The following GALNT13 variants were observed in gnomAD, a reference collection of about 807,000 sequenced individuals.
GALNT13 encodes the protein polypeptide N-acetylgalactosaminyltransferase 13, also known as UDP-GalNAc:polypeptide N-acetylgalactosaminyltransferase 13.
GALNT13 carries 28 observed loss-of-function variants against 64.2 expected under a neutral mutation model. The ratio of observed to expected loss-of-function variants is 0.44; its 90% CI spans 0.32 to 0.60. GALNT13 has a LOEUF of 0.60. GALNT13 is among the 20% of genes least tolerant of loss of function. GALNT13 has a pLI of 0.05. For missense variants in GALNT13, 577 were observed against 669.8 expected (o/e 0.86, Z 1.53); for synonymous variants, 214 against 224.6 (o/e 0.95, Z 0.42).
chr2:153,947,696 T>C (rs1691869854), intron 3 of GALNT13, among the ~76,000 whole-genome samples: 1 of 152,074 alleles, frequency 6.6e-6, no homozygotes, highest in Non-Finnish European at 1.5e-5. Context: ...TTAGATCCCA[T>C]TTGTCAATTT....
intron 4 of GALNT13, among the ~76,000 whole-genome samples, chr2:154,174,302 G>A (rs1685529531): frequency 6.6e-6 from 1 of 152,060 alleles, no homozygotes; most frequent in Admixed American, 6.6e-5. Context: ...TAGGGCAGAT[G>A]CAATTACAGT....
At chr2:153,285,890 A>C in the GALNT13 span, among the ~76,000 whole-genome samples, 1 of 152,136 alleles carries the variant, frequency 6.6e-6, no homozygotes, top group African/African-American at 2.4e-5. Flanking sequence ...GTCAAGAAAA[A>C]CATGAAAGCT....
chr2:153,385,054 A>G, the GALNT13 span, among the ~76,000 whole-genome samples: 1 of 152,040 alleles, frequency 6.6e-6, no homozygotes, highest in Non-Finnish European at 1.5e-5. Context: ...ATGAGGATGT[A>G]GAGAAAAAGG....
At chr2:153,826,932 A>G in the GALNT13 span, among the ~76,000 whole-genome samples, 12 of 152,228 alleles carry the variant, frequency 7.9e-5, no homozygotes, top group African/African-American at 2.9e-4. Flanking sequence ...GAGAGACAGA[A>G]TGAAACAGAA....
intron 12 of GALNT13, chr2:154,446,631 T>G (rs1435849045): frequency 5.8e-6 from 9 of 1,548,710 alleles, no homozygotes. Context: ...AGCTGATGGC[T>G]CCCAGCATCC....
At chr2:153,095,735 T>C in the GALNT13 span, among the ~76,000 whole-genome samples, 5 of 152,216 alleles carry the variant, frequency 3.3e-5, no homozygotes, top group Non-Finnish European at 7.3e-5. Flanking sequence ...ATGTGCTTTG[T>C]AGGGACCTGG....
chr2:154,284,415 C>T (rs745528140), intron 8 of GALNT13, among the ~76,000 whole-genome samples: 47 of 151,662 alleles, frequency 3.1e-4, no homozygotes, highest in South Asian at 2.1e-4. Flanking sequence ...CCAGTTCCAT[C>T]CATATTATCA....
chr2:154,267,430 A>G (rs1445847628), intron 8 of GALNT13, among the ~76,000 whole-genome samples: 1 of 152,138 alleles, frequency 6.6e-6, no homozygotes, highest in Non-Finnish European at 1.5e-5. Flanking sequence ...ACTTAAGGTC[A>G]GGAGTTTGAG....
chr2:153,765,510 C>T, the GALNT13 span, among the ~76,000 whole-genome samples: 93 of 152,134 alleles, frequency 6.1e-4, no homozygotes, highest in Non-Finnish European at 1.1e-3. Flanking sequence ...ATTGTATCTA[C>T]GAAGTAAGTA....
the GALNT13 span, among the ~76,000 whole-genome samples, chr2:153,517,799 G>T: frequency 7.8e-4 from 119 of 152,252 alleles, no homozygotes; most frequent in Admixed American, 1.5e-3. Flanking sequence ...GTTGGCAAAA[G>T]TTTGAAGAGA....
intron 8 of GALNT13, among the ~76,000 whole-genome samples, chr2:154,277,256 C>G (rs1471486511): frequency 1.3e-5 from 2 of 152,106 alleles, no homozygotes; most frequent in African/African-American, 2.4e-5. Context: ...TATATCTGAT[C>G]CCTTAAAGAC....
At chr2:154,004,530 G>A (rs1320949511) in intron 3 of GALNT13, among the ~76,000 whole-genome samples, 1 of 152,122 alleles carries the variant, frequency 6.6e-6, no homozygotes, top group Non-Finnish European at 1.5e-5. Flanking sequence ...CATTGAAGGA[G>A]AGATTCATTT....
At chr2:153,894,119 T>G (rs990969045) in intron 1 of GALNT13, among the ~76,000 whole-genome samples, 1 of 152,070 alleles carries the variant, frequency 6.6e-6, no homozygotes, top group Non-Finnish European at 1.5e-5. Flanking sequence ...TTGAACACTC[T>G]TCACGTTGGC....
At chr2:153,853,555 A>T in the GALNT13 span, among the ~76,000 whole-genome samples, 1 of 152,124 alleles carries the variant, frequency 6.6e-6, no homozygotes, top group Non-Finnish European at 1.5e-5. Flanking sequence ...TCTCCAAGAA[A>T]TTAAAAGAAA....
chr2:154,379,510 T>C (rs180683622), intron 9 of GALNT13, among the ~76,000 whole-genome samples: 106 of 152,168 alleles, frequency 7.0e-4, no homozygotes, highest in Non-Finnish European at 1.3e-3. Flanking sequence ...CTCCTACATA[T>C]TCAATTCCTT....
chr2:154,004,591 A>G (rs571988472), intron 3 of GALNT13, among the ~76,000 whole-genome samples: 1 of 152,174 alleles, frequency 6.6e-6, no homozygotes, highest in South Asian at 2.1e-4. Flanking sequence ...TTCTTACTAC[A>G]TATTGTAGAT....
At chr2:154,249,629 T>C (rs959565054) in intron 7 of GALNT13, among the ~76,000 whole-genome samples, 8 of 152,284 alleles carry the variant, frequency 5.3e-5, no homozygotes, top group African/African-American at 1.9e-4. Context: ...ACATCTTACC[T>C]TATGGACTCT....
chr2:153,784,903 G>A, the GALNT13 span, among the ~76,000 whole-genome samples: 393 of 152,258 alleles, frequency 2.6e-3, 2 homozygotes, highest in Non-Finnish European at 4.6e-3. Context: ...GGGCTCTGGG[G>A]AATCTGAGAC....
chr2:153,412,439 G>A, the GALNT13 span, among the ~76,000 whole-genome samples: 5 of 152,164 alleles, frequency 3.3e-5, no homozygotes, highest in Non-Finnish European at 7.4e-5. Flanking sequence ...AATTTCATAT[G>A]CTGACTGTAT....
Sources: allele counts gnomAD v4.1 joint callset (sites outside exome capture counted in the v4.1 genomes callset), GRCh38; gene constraint gnomAD v4.1.1; transcripts MANE v1.5; gene names NCBI Gene and HGNC (gene_info 2026-07-23, HGNC 2026-07-21).